TCF7L2: variants seen among roughly 807,000 people sequenced by gnomAD.
TCF7L2 encodes the protein transcription factor 7 like 2, also known as transcription factor 7-like 2.
In TCF7L2, 23 loss-of-function variants were observed where a neutral mutation model predicts 77.9. That is an observed-to-expected ratio of 0.30 (90% CI 0.21 to 0.42). The LOEUF (loss-of-function observed/expected upper bound fraction) is 0.42. Ranked by LOEUF, TCF7L2 falls within the 10% of genes least tolerant of loss-of-function variation. TCF7L2 has a pLI of 1.00. For synonymous variants in TCF7L2, 413 were observed against 340.2 expected (o/e 1.21, Z -2.36); for missense variants, 654 against 793.1 (o/e 0.82, Z 2.11).
chr10:113,024,007 C>T (rs1233108206), intron 4 of TCF7L2, among the ~76,000 whole-genome samples: 1 of 151,800 alleles, frequency 6.6e-6, no homozygotes, highest in Non-Finnish European at 1.5e-5. Flanking sequence ...AATCAGGTGT[C>T]CAACCTGGTG....
At position 113,102,430 on chromosome 10, in the gene TCF7L2, T is replaced by TG. The variant is rs1179322392; in HGVS notation, c.553-38754_553-38753insG. On this transcript the variant is annotated intron_variant, in intron 5 of 13. Transcript: ENST00000627217. ...TTTTTGTTGTTGTTGTTTGTTTGTTTTTTTTTTTTTTTGAGACAGAGTCTC... is the reference window on the plus strand; with the variant it reads ...TTTTTGTTGTTGTTGTTTGTTTGTTTGTTTTTTTTTTTTGAGACAGAGTCTC... 2.7e-3 allele frequency among the ~76,000 whole-genome samples: 403 copies of TG among 149,924 alleles called. 2 individuals are homozygous for TG. Among genetic ancestry groups the TG allele is most frequent in the African/African-American group, 8.6e-3 (354 of 41,010 alleles).
At chr10:113,063,815 A>AT (rs2056850108) in intron 5 of TCF7L2, among the ~76,000 whole-genome samples, 2 of 152,044 alleles carry the variant, frequency 1.3e-5, no homozygotes, top group Admixed American at 6.5e-5. Context: ...GATCTGGTAA[A>AT]TGTTAAACTG....
chr10:112,990,463 T>A lies in TCF7L2; in HGVS notation c.450+25839T>A, dbSNP rs535074289. ...GACTCATGCCAGTAATCCCAGCACT[T>A]TGGGAGGCTGAGGTGGGTGGATCGC... On this transcript the variant is annotated intron_variant, in intron 4 of 13. Coordinates refer to ENST00000627217, the MANE Select transcript of TCF7L2 (RefSeq NM_001146274.2). Among the ~76,000 whole-genome samples, 339 of 152,164 alleles carry A rather than the reference T, an allele frequency of 2.2e-3. 1 individual carries two copies. Among genetic ancestry groups the A allele is most frequent in the African/African-American group, 7.6e-3 (315 of 41,510 alleles).
Position 112,958,841 on chromosome 10 carries a change from A to C in TCF7L2, c.382-5715A>C, listed in dbSNP as rs1437147569. 2.0e-5 allele frequency among the ~76,000 whole-genome samples: 3 copies of C among 152,124 alleles called. No homozygotes were observed. The East Asian group carries it at 5.8e-4, about 29-fold the overall frequency. ...GGCATACCCAGGGAAGGACACATGA[A>C]ACCCACATTAATGCAAATTAATTCG... On this transcript the variant is annotated intron_variant, in intron 3 of 13. Coordinates refer to ENST00000627217, the MANE Select transcript of TCF7L2 (RefSeq NM_001146274.2).
chr10:113,086,698 C>A (rs556243469), intron 5 of TCF7L2, among the ~76,000 whole-genome samples: 1 of 151,800 alleles, frequency 6.6e-6, no homozygotes, highest in African/African-American at 2.4e-5. Flanking sequence ...ATGTTTATTT[C>A]CTGGTCTTTA....
At chr10:112,961,266 C>CCCCCCCCCCCCCCCCCCCCCCT (rs2035120787) in intron 3 of TCF7L2, among the ~76,000 whole-genome samples, 1 of 125,740 alleles carries the variant, frequency 8.0e-6, no homozygotes, top group African/African-American at 3.1e-5. Context: ...CCCCCCCCCC[C>CCCCCCCCCCCCCCCCCCCCCCT]CAACCTCGGC....
rs528507712 is a variant in TCF7L2, at chr10:113,074,847, T to A, written c.552+34721T>A. On this transcript the variant is annotated intron_variant, in intron 5 of 13. Transcript: ENST00000627217. ...GTTGTAACAGCTGGGCAGGGGGTAC[T>A]TCTGTCATCATCTCATGGGCACAGG... Among the ~76,000 whole-genome samples, 3 of 152,260 alleles carry A rather than the reference T, an allele frequency of 2.0e-5. No individual in the cohort carries two copies. The East Asian group carries it at 5.8e-4, about 29-fold the overall frequency.
Position 112,950,603 on chromosome 10 carries a change from G to C in TCF7L2, c.-154G>C. 1 of 694,176 alleles carries C rather than the reference G, an allele frequency of 1.4e-6. No individual in the cohort carries two copies. Among genetic ancestry groups the C allele is most frequent in the Non-Finnish European group, 2.2e-6 (1 of 448,548 alleles). The allele number at this position is 694,176 out of a possible 1,614,324, so 43.0% of individuals were successfully genotyped here. On this transcript the variant is annotated 5_prime_UTR_variant, in exon 1 of 14. Transcript: ENST00000627217. ...CCTCCCTCTTTTCCCCTCCCCAGGAGAAAAAGACCCCCAAGCAGAAAAAAG... is the reference window on the plus strand; with the variant it reads ...CCTCCCTCTTTTCCCCTCCCCAGGACAAAAAGACCCCCAAGCAGAAAAAAG...
At chr10:112,957,190 C>CTTTTTTTTT (rs35054285) in intron 3 of TCF7L2, among the ~76,000 whole-genome samples, 1 of 60,686 alleles carries the variant, frequency 1.6e-5, no homozygotes, top group African/African-American at 7.2e-5. Flanking sequence ...ACACCCCCAC[C>CTTTTTTTTT]TTTTTTTTTT....
At chr10:113,135,473 C>T (rs887993263) in intron 5 of TCF7L2, among the ~76,000 whole-genome samples, 6 of 152,174 alleles carry the variant, frequency 3.9e-5, no homozygotes, top group Non-Finnish European at 2.9e-5. Flanking sequence ...GCGTTTTCTC[C>T]AGGTAGAAAG....
Position 113,165,736 on chromosome 10 carries a change from C to A in TCF7L2, c.1573C>A (p.Pro525Thr), listed in dbSNP as rs765140709. 1.9e-6 allele frequency: 3 copies of A among 1,612,926 alleles called. No homozygotes were observed. The highest frequency in any genetic ancestry group is 1.1e-5 in the South Asian group (1 of 90,896). Residue 525 changes from proline (P) to threonine (T), a missense_variant, in exon 14 of 14, where the codon CCC becomes ACC. Pro to Thr is a conservative substitution (Grantham distance 38). Transcript: ENST00000627217. ...TCTGTCGCTGTCCCTGAAGCCCGACCCCCTGGCCCACCTGTCCATGATGCC... is the reference window on the plus strand; with the variant it reads ...TCTGTCGCTGTCCCTGAAGCCCGACACCCTGGCCCACCTGTCCATGATGCC...
At chr10:112,966,439 G>T (rs531382482) in intron 4 of TCF7L2, among the ~76,000 whole-genome samples, 2 of 151,924 alleles carry the variant, frequency 1.3e-5, no homozygotes, top group Non-Finnish European at 2.9e-5. Context: ...AAGTGCTTTA[G>T]GTGCGGGACT....
intron 11 of TCF7L2, 56 bp downstream of exon 11, chr10:113,152,496 T>G: frequency 6.9e-7 from 1 of 1,452,558 alleles, no homozygotes; most frequent in Non-Finnish European, 9.5e-7. Flanking sequence ...TGTGCGTCTA[T>G]ACGGACAAAG....
chr10:113,160,014 C>A, intron 12 of TCF7L2, 22 bp downstream of exon 14: 1 of 1,611,662 alleles, frequency 6.2e-7, no homozygotes, highest in Non-Finnish European at 8.5e-7. Flanking sequence ...TTTCCAGATT[C>A]GCTGTGCTGG....
chr10:113,107,876 C>G (rs1258512091), intron 5 of TCF7L2, among the ~76,000 whole-genome samples: 1 of 151,192 alleles, frequency 6.6e-6, no homozygotes, highest in African/African-American at 2.4e-5. Flanking sequence ...ATTGGTCAAG[C>G]GTTGCTGGCA....
chr10:113,070,283 A>G (rs12784799), intron 5 of TCF7L2, among the ~76,000 whole-genome samples: 6 of 145,966 alleles, frequency 4.1e-5, no homozygotes, highest in Non-Finnish European at 7.5e-5. Flanking sequence ...ATATATATAT[A>G]TATATATGAA....
At chr10:113,076,934 A>T (rs776736823) in intron 5 of TCF7L2, among the ~76,000 whole-genome samples, 13 of 152,222 alleles carry the variant, frequency 8.5e-5, no homozygotes, top group Non-Finnish European at 1.3e-4. Context: ...CCTGAATTTC[A>T]TGCTATTAAG....
chr10:113,035,202 C>G (rs1387246947), intron 4 of TCF7L2, among the ~76,000 whole-genome samples: 1 of 152,158 alleles, frequency 6.6e-6, no homozygotes, highest in Non-Finnish European at 1.5e-5. Flanking sequence ...TTTTTCCAAG[C>G]TTTTCCCTCA....
chr10:113,119,598 A>G (rs746431013), intron 5 of TCF7L2, among the ~76,000 whole-genome samples: 3 of 152,152 alleles, frequency 2.0e-5, no homozygotes, highest in African/African-American at 4.8e-5. Flanking sequence ...TTGCAAGCAA[A>G]AAATAATAAA....
Sources: gnomAD v4.1 joint callset for allele counts (sites outside exome capture counted in the v4.1 genomes callset) on GRCh38, gnomAD v4.1.1 for gene constraint, MANE v1.5 for transcripts, NCBI Gene and HGNC (gene_info 2026-07-23, HGNC 2026-07-21) for gene names.